SAMD5: variants seen among roughly 807,000 people sequenced by gnomAD.
SAMD5 encodes the protein sterile alpha motif domain containing 5.
Under a neutral mutation model 11.3 loss-of-function variants are expected in SAMD5, and 13 were observed. The observed-to-expected ratio is 1.15, with a 90% CI of 0.75 to 1.83. The LOEUF (loss-of-function observed/expected upper bound fraction) is 1.83. Ranked by LOEUF, SAMD5 falls within the 40% of genes most tolerant of loss-of-function variation. The pLI, the probability that SAMD5 is intolerant of heterozygous loss-of-function variation, is 0.00. For synonymous variants in SAMD5, 129 were observed against 111.3 expected (o/e 1.16, Z -1.00); for missense variants, 255 against 239.1 (o/e 1.07, Z -0.44).
the SAMD5 span, among the ~76,000 whole-genome samples, chr6:147,912,684 G>C: frequency 6.6e-6 from 1 of 152,154 alleles, no homozygotes; most frequent in Non-Finnish European, 1.5e-5. Flanking sequence ...TCCAAGCATA[G>C]AGAGTGATTG....
intron 1 of SAMD5, among the ~76,000 whole-genome samples, chr6:147,716,609 G>C (rs1275566704): frequency 1.3e-5 from 2 of 152,202 alleles, no homozygotes; most frequent in Non-Finnish European, 2.9e-5. Context: ...AAGGAGGTGG[G>C]GCTTCCACCT....
At chr6:147,795,129 T>C in the SAMD5 span, among the ~76,000 whole-genome samples, 7 of 150,250 alleles carry the variant, frequency 4.7e-5, no homozygotes, top group Admixed American at 4.0e-4. Context: ...GTTAGTTACA[T>C]ACGTATACAT....
chr6:147,740,181 A>G (rs1213354331), downstream of SAMD5, among the ~76,000 whole-genome samples: 1 of 152,214 alleles, frequency 6.6e-6, no homozygotes, highest in Non-Finnish European at 1.5e-5. Flanking sequence ...CATTTATTAC[A>G]TTATGACTTG....
chr6:147,783,016 A>G, the SAMD5 span, among the ~76,000 whole-genome samples: 4 of 152,360 alleles, frequency 2.6e-5, no homozygotes, highest in Admixed American at 2.0e-4. Context: ...AGATTAAAAG[A>G]GTGTTTAATT....
At chr6:147,593,218 A>T (rs555122021) in intron 1 of SAMD5, among the ~76,000 whole-genome samples, 2 of 152,334 alleles carry the variant, frequency 1.3e-5, no homozygotes, top group South Asian at 4.1e-4. Flanking sequence ...ATCATGCACT[A>T]GGAAAATAAA....
the SAMD5 span, among the ~76,000 whole-genome samples, chr6:147,924,392 T>C: frequency 6.6e-6 from 1 of 152,202 alleles, no homozygotes; most frequent in African/African-American, 2.4e-5. Flanking sequence ...AAAATTTTAA[T>C]TTAATGTAAT....
At chr6:147,803,143 G>T in the SAMD5 span, among the ~76,000 whole-genome samples, 2 of 108,332 alleles carry the variant, frequency 1.8e-5, no homozygotes, top group African/African-American at 7.2e-5. Context: ...GTGTGTGTGT[G>T]TGTGTGTGTG....
chr6:147,709,309 C>G (rs1451609645), intron 1 of SAMD5, among the ~76,000 whole-genome samples: 1 of 152,174 alleles, frequency 6.6e-6, no homozygotes, highest in Non-Finnish European at 1.5e-5. Context: ...AACTACTCTG[C>G]CCTTCAGCTA....
chr6:147,800,900 T>C, the SAMD5 span, among the ~76,000 whole-genome samples: 5,108 of 152,254 alleles, frequency 0.034, 103 homozygotes, highest in Middle Eastern at 0.051. Flanking sequence ...TTTTACCTTA[T>C]TGAAATAAAG....
At chr6:147,710,798 T>G (rs1005306586) in intron 1 of SAMD5, among the ~76,000 whole-genome samples, 14 of 107,928 alleles carry the variant, frequency 1.3e-4, no homozygotes, top group African/African-American at 5.5e-4. Context: ...AGACATCCAC[T>G]GGGGGTCTTG....
intron 1 of SAMD5, among the ~76,000 whole-genome samples, chr6:147,548,840 G>A (rs911083432): frequency 6.6e-6 from 1 of 152,086 alleles, no homozygotes. Context: ...ATGACAGATT[G>A]TATTTCTCCT....
At chr6:147,632,054 A>C (rs1790159355) in intron 1 of SAMD5, among the ~76,000 whole-genome samples, 1 of 152,158 alleles carries the variant, frequency 6.6e-6, no homozygotes, top group Non-Finnish European at 1.5e-5. Flanking sequence ...TGGAAGTTTC[A>C]GTGGGGGAGT....
Position 147,568,052 on chromosome 6 carries a change from T to C in SAMD5, c.*3596T>C, listed in dbSNP as rs947259890. On this transcript the variant is annotated 3_prime_UTR_variant, in exon 2 of 2. Transcript: ENST00000367474. ...TTCTTCTCTTTATGGCAGCTTCAGA[T>C]TGATGAATTTGAGGTACAAATGAGT... 3 of 985,242 alleles carry C rather than the reference T, an allele frequency of 3.0e-6. No individual in the cohort carries two copies. The highest frequency in any genetic ancestry group is 3.6e-6 in the Non-Finnish European group (3 of 829,894). The allele number at this position is 985,242 out of a possible 1,614,324, so 61.0% of individuals were successfully genotyped here.
At chr6:147,946,870 A>C in the SAMD5 span, among the ~76,000 whole-genome samples, 4 of 152,324 alleles carry the variant, frequency 2.6e-5, no homozygotes, top group South Asian at 4.1e-4. Context: ...GACAATTCTG[A>C]ATATTTTGGA....
the SAMD5 span, among the ~76,000 whole-genome samples, chr6:147,815,452 G>C: frequency 1.3e-5 from 2 of 152,260 alleles, no homozygotes; most frequent in African/African-American, 4.8e-5. Context: ...GTAAAAGCAA[G>C]TATAGGAAAA....
chr6:147,770,446 G>A, the SAMD5 span, among the ~76,000 whole-genome samples: 1 of 152,182 alleles, frequency 6.6e-6, no homozygotes. Context: ...GCTGACTCGG[G>A]AAATCAGAGT....
At chr6:147,652,364 T>G (rs2128453496) in intron 1 of SAMD5, among the ~76,000 whole-genome samples, 1 of 152,348 alleles carries the variant, frequency 6.6e-6, no homozygotes, top group Non-Finnish European at 1.5e-5. Flanking sequence ...ATAATTGCCT[T>G]TCTCCTCTCA....
At chr6:147,830,491 A>T in the SAMD5 span, among the ~76,000 whole-genome samples, 1 of 151,706 alleles carries the variant, frequency 6.6e-6, no homozygotes, top group Non-Finnish European at 1.5e-5. Context: ...TCCTGACCTC[A>T]AATGATCCGC....
the SAMD5 span, among the ~76,000 whole-genome samples, chr6:147,901,140 C>A: frequency 1.3e-5 from 2 of 151,978 alleles, no homozygotes; most frequent in African/African-American, 4.8e-5. Context: ...CTAAAATGGG[C>A]TAATGATAGT....
Sources: gnomAD v4.1 joint callset for allele counts (sites outside exome capture counted in the v4.1 genomes callset) on GRCh38, gnomAD v4.1.1 for gene constraint, MANE v1.5 for transcripts, NCBI Gene and HGNC (gene_info 2026-07-23, HGNC 2026-07-21) for gene names.